Variants in TASP1 observed in about 807,000 individuals in gnomAD.
TASP1 encodes the protein threonine aspartase 1.
Under a neutral mutation model 56.6 loss-of-function variants are expected in TASP1, and 16 were observed. The observed-to-expected ratio is 0.28, with a 90% CI of 0.19 to 0.43. The LOEUF is 0.43. TASP1 is among the 20% of genes least tolerant of loss of function. The pLI, the probability that TASP1 is intolerant of heterozygous loss-of-function variation, is 1.00. For synonymous variants in TASP1, 179 were observed against 184.2 expected (o/e 0.97, Z 0.23); for missense variants, 393 against 511.6 (o/e 0.77, Z 2.24).
chr20:13,532,197 C>T (rs1168071561), intron 9 of TASP1, among the ~76,000 whole-genome samples: 1 of 152,164 alleles, frequency 6.6e-6, no homozygotes, highest in Non-Finnish European at 1.5e-5. Context: ...TGAGCCACTG[C>T]GCCTGGCCTC....
rs12480457 is a variant in TASP1 at position 13,392,389 on chromosome 20, A to T, written c.1171-1937T>A. ...CTTAGAAGTTCTTCTTTTAGCTCCT[A>T]TAGCACCCATATGAGCATTTCTCAT... is the stretch of plus-strand genomic sequence containing the variant. On this transcript the variant is annotated intron_variant, in intron 13 of 13. Transcript: ENST00000337743. Among the ~76,000 whole-genome samples, 481 of 152,292 alleles carry T rather than the reference A, an allele frequency of 3.2e-3. 1 individual carries two copies. Among genetic ancestry groups the T allele is most frequent in the East Asian group, 0.01 (52 of 5,170 alleles).
intron 11 of TASP1, among the ~76,000 whole-genome samples, chr20:13,458,215 T>C (rs1398452920): frequency 1.3e-5 from 2 of 152,020 alleles, no homozygotes; most frequent in Non-Finnish European, 2.9e-5. Flanking sequence ...TTAGAGCCAT[T>C]TGTTAACAAG....
intron 8 of TASP1, among the ~76,000 whole-genome samples, chr20:13,551,978 T>C (rs962552068): frequency 2.6e-5 from 4 of 152,168 alleles, no homozygotes; most frequent in Admixed American, 2.0e-4. Flanking sequence ...TACAGGAACA[T>C]GCTGAACTTT....
chr20:13,495,030 A>C (rs1418580016), intron 10 of TASP1, among the ~76,000 whole-genome samples: 1 of 152,086 alleles, frequency 6.6e-6, no homozygotes, highest in African/African-American at 2.4e-5. Context: ...TTCACTATAC[A>C]TATTGATTAT....
intron 4 of TASP1, among the ~76,000 whole-genome samples, chr20:13,612,747 G>A (rs1280675927): frequency 2.0e-5 from 3 of 152,094 alleles, no homozygotes; most frequent in Non-Finnish European, 4.4e-5. Context: ...CATAAAATAA[G>A]TATTAAATTT....
the TASP1 span, among the ~76,000 whole-genome samples, chr20:13,334,808 ACAGTCAAATAATTT>A: frequency 3.5e-4 from 54 of 152,368 alleles, no homozygotes; most frequent in Non-Finnish European, 6.0e-4. Flanking sequence ...CATTAAAATG[ACAGTCAAATAATTT>A]TAAGAAACAA....
the TASP1 span, among the ~76,000 whole-genome samples, chr20:13,338,337 C>T: frequency 2.6e-5 from 4 of 152,180 alleles, no homozygotes; most frequent in African/African-American, 9.7e-5. Flanking sequence ...CCAGATGTCA[C>T]TTTCATCGCC....
chr20:13,165,383 C>T, the TASP1 span: 1 of 152,682 alleles, frequency 6.5e-6, no homozygotes, highest in East Asian at 1.9e-4. Flanking sequence ...AATGTTGTTT[C>T]TACCATTTGT....
At chr20:13,485,761 G>A (rs1423966719) in intron 10 of TASP1, among the ~76,000 whole-genome samples, 8 of 152,100 alleles carry the variant, frequency 5.3e-5, no homozygotes, top group Non-Finnish European at 1.0e-4. Flanking sequence ...CTCATGAAAC[G>A]CCATAAAGTT....
chr20:13,287,675 A>G, the TASP1 span, among the ~76,000 whole-genome samples: 122 of 152,336 alleles, frequency 8.0e-4, no homozygotes, highest in African/African-American at 2.7e-3. Flanking sequence ...GTTGTACTTA[A>G]TAGTGTATCT....
chr20:13,451,980 G>A (rs953138470), intron 11 of TASP1, among the ~76,000 whole-genome samples: 3 of 152,028 alleles, frequency 2.0e-5, no homozygotes, highest in African/African-American at 7.2e-5. Context: ...AGGAGGCCAA[G>A]GACAGCAAGA....
the TASP1 span, among the ~76,000 whole-genome samples, chr20:13,274,322 T>TGGTCCCTGAC: frequency 6.6e-6 from 1 of 152,190 alleles, no homozygotes; most frequent in Non-Finnish European, 1.5e-5. Flanking sequence ...ACAGCCCTGC[T>TGGTCCCTGAC]GGTCCCTGAC....
chr20:13,372,947 G>A, the TASP1 span, among the ~76,000 whole-genome samples: 1 of 151,780 alleles, frequency 6.6e-6, no homozygotes, highest in Admixed American at 6.6e-5. Flanking sequence ...TGTTATCATT[G>A]TCACACATAT....
intron 8 of TASP1, among the ~76,000 whole-genome samples, chr20:13,548,115 A>C (rs546652961): frequency 3.3e-5 from 5 of 152,268 alleles, no homozygotes; most frequent in East Asian, 3.9e-4. Context: ...GGAAAGACAG[A>C]CAGCCATGTC....
the TASP1 span, among the ~76,000 whole-genome samples, chr20:13,301,182 TA>T: frequency 6.6e-6 from 1 of 152,336 alleles, no homozygotes; most frequent in East Asian, 1.9e-4. Flanking sequence ...GAAAACTTTT[TA>T]CCAGTCATTT....
chr20:13,114,366 A>C, the TASP1 span, among the ~76,000 whole-genome samples: 1 of 152,266 alleles, frequency 6.6e-6, no homozygotes, highest in Non-Finnish European at 1.5e-5. Context: ...ATCCCTTATC[A>C]ACTCATAGTG....
At chr20:13,564,453 G>A (rs2046445974) in intron 7 of TASP1, among the ~76,000 whole-genome samples, 1 of 151,766 alleles carries the variant, frequency 6.6e-6, no homozygotes, top group African/African-American at 2.4e-5. Context: ...ATAATGAAAA[G>A]ACACCCAGGT....
chr20:13,533,511 G>T (rs1436320592), intron 9 of TASP1, among the ~76,000 whole-genome samples: 1 of 152,120 alleles, frequency 6.6e-6, no homozygotes, highest in East Asian at 1.9e-4. Flanking sequence ...TTGTTAAGTG[G>T]TATCATGTGT....
chr20:13,534,510 G>A (rs1601154863), intron 8 of TASP1, among the ~76,000 whole-genome samples: 1 of 151,996 alleles, frequency 6.6e-6, no homozygotes, highest in Non-Finnish European at 1.5e-5. Context: ...AACCATCGGT[G>A]GCATAAATGA....
Sources: allele counts gnomAD v4.1 joint callset (sites outside exome capture counted in the v4.1 genomes callset), GRCh38; gene constraint gnomAD v4.1.1; transcripts MANE v1.5; gene names NCBI Gene and HGNC (gene_info 2026-07-23, HGNC 2026-07-21).